CFAP20DC: variants seen among roughly 807,000 people sequenced by gnomAD.
The protein encoded by CFAP20DC is CFAP20 domain containing.
CFAP20DC carries 84 observed loss-of-function variants against 101.7 expected under a neutral mutation model. The observed-to-expected ratio is 0.83, with a 90% CI of 0.69 to 0.99. CFAP20DC has a LOEUF of 0.99. Ranked by LOEUF, CFAP20DC falls within the 50% of genes least tolerant of loss-of-function variation. The pLI, the probability that CFAP20DC is intolerant of heterozygous loss-of-function variation, is 0.00. For missense variants in CFAP20DC, 1,007 were observed against 970.3 expected (o/e 1.04, Z -0.50); for synonymous variants, 359 against 351.2 (o/e 1.02, Z -0.25).
In CFAP20DC at chr3:58,717,883, A is replaced by G. The variant is rs1348567510; in HGVS notation, c.198-255T>C. Among the ~76,000 whole-genome samples the G allele has an allele frequency of 1.3e-5, 2 of 152,298 alleles. No homozygotes were observed. The highest frequency in any genetic ancestry group is 3.9e-4 in the East Asian group (2 of 5,176). ...GAGTTGCATTAGGAAGATGAAGGGA[A>G]GGAGAAAATTGGGTAAACTAACCAA... On this transcript the variant is annotated intron_variant, in intron 3 of 3. Transcript: ENST00000486145. This position sits in a 1 kb window ranked among gnomAD's most constrained non-coding sequence, Gnocchi z 4.1.
rs1176556397 is a variant in CFAP20DC at position 58,742,221 on chromosome 3, T to C, written c.*239A>G. 2.9e-6 allele frequency: 3 copies of C among 1,048,172 alleles called. No individual in the cohort carries two copies. In the East Asian group the frequency reaches 1.7e-4, roughly 58 times the overall value. 64.9% of individuals were successfully genotyped at this position (1,048,172 alleles called of 1,614,324 possible). On this transcript the variant is annotated 3_prime_UTR_variant, in exon 17 of 17. Coordinates refer to ENST00000482387, the MANE Select transcript of CFAP20DC (RefSeq NM_001394063.1). Reference sequence around the variant, plus strand: ...TAGAATGAGAACAAACAAGAACCAATTCAAACTCCTAAAATCTTGCCTCTG... The same window carrying C: ...TAGAATGAGAACAAACAAGAACCAACTCAAACTCCTAAAATCTTGCCTCTG...
In CFAP20DC at chr3:59,001,921, G is replaced by A. The variant is rs1030167872; in HGVS notation, c.278+37636C>T. Among the ~76,000 whole-genome samples the A allele has an allele frequency of 1.3e-5, 2 of 152,162 alleles. No individual in the cohort carries two copies. The highest frequency in any genetic ancestry group is 4.8e-5 in the African/African-American group (2 of 41,432). ...CAAAAACGTGACATGTGGTAAAGAA[G>A]AGATTCCAAAACAGAGACATTCTAA... On this transcript the variant is annotated intron_variant, in intron 4 of 16. Coordinates refer to ENST00000482387, the MANE Select transcript of CFAP20DC (RefSeq NM_001394063.1). This position sits in a 1 kb window ranked among gnomAD's most constrained non-coding sequence, Gnocchi z 4.5.
intron 4 of CFAP20DC, among the ~76,000 whole-genome samples, chr3:58,987,089 T>C (rs1012602765): frequency 1.3e-5 from 2 of 152,062 alleles, no homozygotes; most frequent in African/African-American, 4.8e-5. Context: ...TAAACAGAGC[T>C]AAAAACTTAG....
chr3:58,736,520 G>A (rs1174692432), intron 3 of CFAP20DC, among the ~76,000 whole-genome samples: 1 of 152,080 alleles, frequency 6.6e-6, no homozygotes, highest in Admixed American at 6.5e-5. Flanking sequence ...AATAAATAAA[G>A]AGAGTTTTTC....
intron 15 of CFAP20DC, among the ~76,000 whole-genome samples, chr3:58,759,212 T>A (rs2069279356): frequency 6.6e-6 from 1 of 152,240 alleles, no homozygotes; most frequent in South Asian, 2.1e-4. Flanking sequence ...GTTTCCTGAC[T>A]TTTTAAGGAT....
At chr3:58,791,646 T>C (rs1172939459) in intron 15 of CFAP20DC, among the ~76,000 whole-genome samples, 5 of 152,186 alleles carry the variant, frequency 3.3e-5, no homozygotes, top group Non-Finnish European at 5.9e-5. Context: ...TAAGGGTATG[T>C]TATGCTTGAT....
chr3:58,863,374 A>C lies in CFAP20DC; in HGVS notation c.1593+184T>G. ...TGAAATTGGCTGACTGTTAATTAAA[A>C]AAAAAAAAAGACAGTTTAAAGTTAC... On this transcript the variant is annotated intron_variant, in intron 12 of 16. Transcript: ENST00000482387. This position sits in a 1 kb window ranked among gnomAD's most constrained non-coding sequence, Gnocchi z 5.9. The C allele has an allele frequency of 7.2e-7, 1 of 1,394,036 alleles. No individual in the cohort carries two copies. Among genetic ancestry groups the C allele is most frequent in the South Asian group, 1.8e-5 (1 of 55,334 alleles). The allele number at this position is 1,394,036 out of a possible 1,614,324, so 86.4% of individuals were successfully genotyped here.
chr3:58,952,957 T>C (rs1195803587), intron 4 of CFAP20DC, among the ~76,000 whole-genome samples: 3 of 152,136 alleles, frequency 2.0e-5, no homozygotes, highest in African/African-American at 7.2e-5. Flanking sequence ...AAACAAGGTC[T>C]CCAGCTTGTT....
intron 15 of CFAP20DC, among the ~76,000 whole-genome samples, chr3:58,781,169 C>A (rs1025328578): frequency 6.6e-6 from 1 of 151,542 alleles, no homozygotes; most frequent in Admixed American, 6.6e-5. Flanking sequence ...GGGAATTAAA[C>A]AACATACTTT....
At chr3:58,770,755 G>A (rs2070767462) in intron 15 of CFAP20DC, among the ~76,000 whole-genome samples, 2 of 152,194 alleles carry the variant, frequency 1.3e-5, no homozygotes, top group South Asian at 4.1e-4. Context: ...TTTTAAGATA[G>A]AAGAATCTTG....
At position 59,049,870 on chromosome 3, in the gene CFAP20DC, G is replaced by A. The variant is rs1285951149; in HGVS notation, c.-239C>T. The A allele has an allele frequency of 3.4e-6, 2 of 586,748 alleles. No homozygotes were observed. 36.3% of individuals were successfully genotyped at this position (586,748 alleles called of 1,614,324 possible). A position where few individuals can be genotyped will look rare whatever the true frequency, so the allele number is the denominator to read the frequency against. ...CAGCCTCCGCGGTGCCCGGGTCTGG[G>A]GAGGGCGCAGCTGCCTGGACGGACT... On this transcript the variant is annotated 5_prime_UTR_variant, in exon 1 of 17. Transcript: ENST00000482387.
intron 3 of CFAP20DC, among the ~76,000 whole-genome samples, chr3:58,735,902 G>A (rs570027797): frequency 6.6e-6 from 1 of 152,108 alleles, no homozygotes; most frequent in Non-Finnish European, 1.5e-5. Flanking sequence ...GGAATCTCTG[G>A]ACTTACTATT....
chr3:58,760,462 C>T (rs950445561), intron 15 of CFAP20DC, among the ~76,000 whole-genome samples: 15 of 152,132 alleles, frequency 9.9e-5, no homozygotes, highest in African/African-American at 2.9e-4. Flanking sequence ...TCTAGATATA[C>T]AATCATGTCA....
At chr3:58,717,032 T>C (rs989828907), downstream of CFAP20DC, among the ~76,000 whole-genome samples, 3 of 152,074 alleles carry the variant, frequency 2.0e-5, no homozygotes, top group African/African-American at 7.2e-5. This position sits in a 1 kb window ranked among gnomAD's most constrained non-coding sequence, Gnocchi z 4.1. Context: ...GCCCCTGAAT[T>C]TTAGTCAGCT....
intron 4 of CFAP20DC, among the ~76,000 whole-genome samples, chr3:58,938,058 G>A (rs974319300): frequency 1.3e-5 from 2 of 152,166 alleles, no homozygotes; most frequent in African/African-American, 4.8e-5. Context: ...GATGAACTGA[G>A]AAACTGTTAG....
At chr3:58,796,333 G>T (rs1332573918) in intron 15 of CFAP20DC, among the ~76,000 whole-genome samples, 1 of 152,116 alleles carries the variant, frequency 6.6e-6, no homozygotes, top group Non-Finnish European at 1.5e-5. Flanking sequence ...GTGGTCCAGG[G>T]TTAAGAGTGG....
intron 15 of CFAP20DC, among the ~76,000 whole-genome samples, chr3:58,760,611 C>A (rs1575572585): frequency 6.6e-6 from 1 of 152,102 alleles, no homozygotes; most frequent in East Asian, 1.9e-4. Context: ...CTGTCTTGGG[C>A]CAGTTTTCAA....
At chr3:58,841,284 A>G (rs1033171509) in intron 13 of CFAP20DC, among the ~76,000 whole-genome samples, 3 of 152,240 alleles carry the variant, frequency 2.0e-5, no homozygotes, top group Non-Finnish European at 2.9e-5. Context: ...ACAATGGGGT[A>G]TTGTTGGAAA....
intron 7 of CFAP20DC, among the ~76,000 whole-genome samples, chr3:58,873,777 T>C (rs1299473460): frequency 6.8e-6 from 1 of 148,114 alleles, no homozygotes; most frequent in Non-Finnish European, 1.5e-5. Context: ...GTTCTAGATG[T>C]TGTCAGGCAG....
Sources: gnomAD v4.1 joint callset for allele counts (sites outside exome capture counted in the v4.1 genomes callset) on GRCh38, gnomAD v4.1.1 for gene constraint, Gnocchi (gnomAD v3.1) non-coding constraint, MANE v1.5 for transcripts, NCBI Gene and HGNC (gene_info 2026-07-23, HGNC 2026-07-21) for gene names.